PLA2G7: variants seen among roughly 807,000 people sequenced by gnomAD.
PLA2G7 encodes the protein platelet-activating factor acetylhydrolase.
Under a neutral mutation model 49.6 loss-of-function variants are expected in PLA2G7, and 63 were observed. The observed-to-expected ratio is 1.27, with a 90% CI of 1.04 to 1.57. The LOEUF (loss-of-function observed/expected upper bound fraction) is 1.57. Among genes scored for constraint, PLA2G7 ranks in the 40% most tolerant of loss-of-function variants. The probability of loss-of-function intolerance (pLI) is 0.00; values close to 1 mark genes in which losing one functional copy is unlikely to be tolerated. For synonymous variants in PLA2G7, 193 were observed against 169.9 expected, an observed-to-expected ratio of 1.14 and a Z score of -1.06; for missense variants, 596 against 521.2, an observed-to-expected ratio of 1.14 and a Z score of -1.40.
chr6:46,717,959 G>C (rs907282266), intron 2 of PLA2G7, among the ~76,000 whole-genome samples: 2 of 151,976 alleles, frequency 1.3e-5, no homozygotes, highest in Non-Finnish European at 2.9e-5. Context: ...CTCGTGATCC[G>C]CCCACCTCAG....
chr6:46,724,875 C>G (rs749465542), intron 1 of PLA2G7, among the ~76,000 whole-genome samples: 1 of 152,206 alleles, frequency 6.6e-6, no homozygotes, highest in African/African-American at 2.4e-5. Flanking sequence ...CATGGCCTAT[C>G]CTGATTATCA....
rs754766467 is a variant in PLA2G7 at position 46,708,071 on chromosome 6, T to C, written c.960A>G (p.Glu320=). Residue 320 remains glutamate, a synonymous_variant, in exon 10 of 12, where the codon GAA becomes GAG. Coordinates refer to ENST00000274793, the MANE Select transcript of PLA2G7 (RefSeq NM_005084.4). ...IPQPLFFINS[E]YFQYPANIIK... ...TGATATTAGCAGGATATTGGAAATA[T>C]TCAGAGTTGATAAAAAAGAGGGGCT... 3.7e-6 allele frequency: 6 copies of C among 1,600,594 alleles called. No homozygotes were observed. Among genetic ancestry groups the C allele is most frequent in the Non-Finnish European group, 5.1e-6 (6 of 1,168,042 alleles).
At chr6:46,704,896 G>A (rs1764755966) in intron 11 of PLA2G7, among the ~76,000 whole-genome samples, 200 bp from the exon 12 acceptor site, 2 of 152,164 alleles carry the variant, frequency 1.3e-5, no homozygotes, top group Admixed American at 1.3e-4. Flanking sequence ...CCTGCTGTCA[G>A]TATCCTCAAC....
intron 1 of PLA2G7, among the ~76,000 whole-genome samples, chr6:46,728,932 T>C (rs1765650939): frequency 6.6e-6 from 1 of 152,226 alleles, no homozygotes; most frequent in East Asian, 1.9e-4. Flanking sequence ...ACTTACTAGT[T>C]TGGTGACTTC....
intron 1 of PLA2G7, 112 bp downstream of exon 1, chr6:46,735,068 G>C (rs1174062558): frequency 6.6e-6 from 1 of 152,136 alleles, no homozygotes. Context: ...AGCAGAGCGG[G>C]TGCGACTCAG....
chr6:46,731,175 C>T (rs2150714834), intron 1 of PLA2G7, among the ~76,000 whole-genome samples: 1 of 152,264 alleles, frequency 6.6e-6, no homozygotes. Context: ...CTTGTCCTGT[C>T]TCTGCGAAGA....
chr6:46,715,785 A>C (rs1176908207), intron 4 of PLA2G7, among the ~76,000 whole-genome samples: 1 of 152,236 alleles, frequency 6.6e-6, no homozygotes, highest in Non-Finnish European at 1.5e-5. Context: ...TTTGAGGGGT[A>C]AATGTGAAGA....
At chr6:46,710,995 G>C (rs868028958) in intron 7 of PLA2G7, among the ~76,000 whole-genome samples, 13 of 152,234 alleles carry the variant, frequency 8.5e-5, no homozygotes, top group South Asian at 6.2e-4. Flanking sequence ...ACTATAAAGA[G>C]GAAGCCAATA....
rs76863441 is a variant in PLA2G7, at chr6:46,709,361, C to G, written c.835G>C (p.Val279Leu). The stretch of plus-strand genomic sequence containing the variant: ...TGATCTTCACTAAGAGTCTGAATAA[C>G]CGTTGCTCCACCAAAAGAATGTCCA... ...VIGHSFGGAT[V>L]IQTLSEDQRF... The change falls in exon 9 of 12, where the codon GTT becomes CTT. Residue 279 changes from valine to leucine, a missense_variant. By Grantham distance (32) the Val-to-Leu change is conservative. Coordinates refer to ENST00000274793, the MANE Select transcript of PLA2G7 (RefSeq NM_005084.4). 6.2e-7 allele frequency: 1 copy of G among 1,607,754 alleles called. No homozygotes were observed. The highest frequency in any genetic ancestry group is 1.3e-5 in the African/African-American group (1 of 74,866).
Position 46,704,470 on chromosome 6 carries a change from TCTCTCTCTCA to T in PLA2G7, c.*80_*89del, listed in dbSNP as rs1242730754. 0.011 allele frequency: 3,067 copies of T among 279,140 alleles called. 21 individuals carry two copies. The highest frequency in any genetic ancestry group is 0.038 in the Admixed American group (899 of 23,946). The allele number at this position is 279,140 out of a possible 1,614,324, so 17.3% of individuals were successfully genotyped here. A position where few individuals can be genotyped will look rare whatever the true frequency, so the allele number is the denominator to read the frequency against. ...CTCTCTCTCTCTCTCTCTCTCTCTC[TCTCTCTCTCA>T]CACACACACACACACACACACACAC... is the stretch of plus-strand genomic sequence containing the variant. On this transcript the variant is annotated 3_prime_UTR_variant, in exon 12 of 12. Coordinates refer to ENST00000274793, the MANE Select transcript of PLA2G7 (RefSeq NM_005084.4).
intron 4 of PLA2G7, 87 bp downstream of exon 4, chr6:46,716,297 T>C: frequency 1.5e-6 from 2 of 1,372,634 alleles, no homozygotes; most frequent in South Asian, 1.2e-5. Flanking sequence ...AAAAATCTAC[T>C]TTGGTCTTAA....
In PLA2G7 at chr6:46,722,808, A is replaced by T. The variant is rs200606030; in HGVS notation, c.84T>A (p.Asn28Lys). The change falls in exon 2 of 12, where the codon AAT becomes AAA. Residue 28 changes from asparagine to lysine, a missense_variant. By Grantham distance (94) the Asn-to-Lys change is moderately conservative. Coordinates refer to ENST00000274793, the MANE Select transcript of PLA2G7 (RefSeq NM_005084.4). ...VVYPFDWQYI[N>K]PVAHMKSSAW... ...CTGATGATTTCATATGGGCAACAGG[A>T]TTTATGTATTGCCAGTCAAAAGGAT... 8.7e-6 allele frequency: 14 copies of T among 1,609,912 alleles called. No homozygotes were observed. The highest frequency in any genetic ancestry group is 1.2e-5 in the Non-Finnish European group (14 of 1,176,196).
At chr6:46,732,763 A>G (rs1765774272) in intron 1 of PLA2G7, among the ~76,000 whole-genome samples, 1 of 152,158 alleles carries the variant, frequency 6.6e-6, no homozygotes, top group Non-Finnish European at 1.5e-5. Context: ...AATTGAGCAA[A>G]ATGACAGTGA....
rs749683448 is a variant in PLA2G7 at position 46,705,207 on chromosome 6, C to CA, written c.1134dup (p.Val379CysfsTer4). The CA allele has an allele frequency of 1.2e-6, 2 of 1,607,460 alleles. No homozygotes were observed. The highest frequency in any genetic ancestry group is 1.7e-6 in the Non-Finnish European group (2 of 1,174,226). On this transcript the variant is annotated frameshift_variant, in exon 11 of 12. Transcript: ENST00000274793. LOFTEE classifies it high-confidence loss of function. ...GCTTTGTTGCTAAGATCAATAGCTACATTTGAATCTATGTCTCCCTTTAAT... is the reference window on the plus strand; with the variant it reads ...GCTTTGTTGCTAAGATCAATAGCTACAATTTGAATCTATGTCTCCCTTTAAT...
intron 8 of PLA2G7, among the ~76,000 whole-genome samples, chr6:46,710,053 T>C (rs1764960568): frequency 6.6e-6 from 1 of 152,254 alleles, no homozygotes; most frequent in African/African-American, 2.4e-5. Flanking sequence ...GAGTGGCTGC[T>C]TGAGGGATAA....
chr6:46,711,535 G>A lies in PLA2G7; in HGVS notation c.624C>T (p.Thr208=), dbSNP rs529149551. 8 of 1,613,698 alleles carry A rather than the reference G, an allele frequency of 5.0e-6. No individual in the cohort carries two copies. The South Asian group carries it at 7.7e-5, about 16-fold the overall frequency. The change falls in exon 7 of 12, where the codon ACC becomes ACT. Residue 208 remains threonine (T), a synonymous_variant. Coordinates refer to ENST00000274793, the MANE Select transcript of PLA2G7 (RefSeq NM_005084.4). Reference sequence around the variant, plus strand: ...TATGTGTCTCCTCCTCTTGTTTCAGGGTTCTAAGGTAGAGCCAAGACTTGT... The same window carrying A: ...TATGTGTCTCCTCCTCTTGTTTCAGAGTTCTAAGGTAGAGCCAAGACTTGT... ...IGDKSWLYLR[T]LKQEEETHIR...
Position 46,704,355 on chromosome 6 carries a change from G to GA in PLA2G7, c.*204dup. On this transcript the variant is annotated 3_prime_UTR_variant, in exon 12 of 12. Coordinates refer to ENST00000274793, the MANE Select transcript of PLA2G7 (RefSeq NM_005084.4). ...TGTATTCTTTCTTTACATCTAAAGG[G>GA]AAAAAATTCTTAGTCCAAGCTTCAA... The GA allele has an allele frequency of 1.8e-6, 1 of 565,018 alleles. No homozygotes were observed. The highest frequency in any genetic ancestry group is 3.0e-5 in the East Asian group (1 of 33,792). 35.0% of individuals were successfully genotyped at this position (565,018 alleles called of 1,614,324 possible). A position where few individuals can be genotyped will look rare whatever the true frequency, so the allele number is the denominator to read the frequency against.
chr6:46,709,889 G>C (rs1471973058), intron 8 of PLA2G7, among the ~76,000 whole-genome samples: 1 of 152,174 alleles, frequency 6.6e-6, no homozygotes. Context: ...ATGACAGACA[G>C]CGAGCCCAGT....
intron 1 of PLA2G7, among the ~76,000 whole-genome samples, chr6:46,734,861 A>G (rs1427452598): frequency 2.0e-5 from 3 of 152,026 alleles, no homozygotes; most frequent in East Asian, 1.9e-4. Context: ...AGAGAGAGAG[A>G]GAAAAAAAAG....
Sources: allele counts gnomAD v4.1 joint callset (sites outside exome capture counted in the v4.1 genomes callset), GRCh38; gene constraint gnomAD v4.1.1; transcripts MANE v1.5; gene names NCBI Gene and HGNC (gene_info 2026-07-23, HGNC 2026-07-21).